ITGBL1: variants seen among roughly 807,000 people sequenced by gnomAD.
ITGBL1 encodes integrin beta-like protein 1.
ITGBL1 carries 51 observed loss-of-function variants against 68.5 expected under a neutral mutation model. That is an observed-to-expected ratio of 0.74 (90% CI 0.59 to 0.94). The LOEUF (loss-of-function observed/expected upper bound fraction) is 0.94. ITGBL1 is among the 40% of genes least tolerant of loss of function. The pLI, the probability that ITGBL1 is intolerant of heterozygous loss-of-function variation, is 0.00. For missense variants in ITGBL1, 649 were observed against 647.4 expected (o/e 1.00, Z -0.03); for synonymous variants, 209 against 227.3 (o/e 0.92, Z 0.72).
intron 7 of ITGBL1, among the ~76,000 whole-genome samples, chr13:101,686,175 G>A (rs1431931298): frequency 3.9e-5 from 6 of 152,048 alleles, no homozygotes; most frequent in South Asian, 2.1e-4. Flanking sequence ...TGTTTTGCCC[G>A]GTTCCTATGT....
At chr13:101,693,918 A>G (rs1319595530) in intron 8 of ITGBL1, among the ~76,000 whole-genome samples, 2 of 152,180 alleles carry the variant, frequency 1.3e-5, no homozygotes, top group African/African-American at 2.4e-5. Flanking sequence ...TAGCGTCCCA[A>G]TAATGGAACA....
intron 4 of ITGBL1, among the ~76,000 whole-genome samples, chr13:101,578,832 C>A (rs1004582569): frequency 1.3e-5 from 2 of 152,184 alleles, no homozygotes; most frequent in Non-Finnish European, 2.9e-5. Flanking sequence ...ATTTATTCTG[C>A]TTTAAAGAGT....
chr13:101,492,774 C>T (rs1324357257), intron 2 of ITGBL1, among the ~76,000 whole-genome samples: 1 of 152,234 alleles, frequency 6.6e-6, no homozygotes, highest in African/African-American at 2.4e-5. Flanking sequence ...GGAATTTAGA[C>T]AATCCTTTCT....
intron 2 of ITGBL1, among the ~76,000 whole-genome samples, chr13:101,507,950 G>GT (rs2049052722): frequency 6.6e-6 from 1 of 152,122 alleles, no homozygotes; most frequent in African/African-American, 2.4e-5. Context: ...TATTTTTGTA[G>GT]TTTTCTTTTG....
chr13:101,711,578 A>C (rs1259279677), intron 9 of ITGBL1: 1 of 152,254 alleles, frequency 6.6e-6, no homozygotes, highest in Non-Finnish European at 1.5e-5. Flanking sequence ...ATCACTAAAA[A>C]GAAGAGTGGA....
At chr13:101,455,188 T>C (rs571045788) in intron 2 of ITGBL1, among the ~76,000 whole-genome samples, 1 of 152,272 alleles carries the variant, frequency 6.6e-6, no homozygotes, top group African/African-American at 2.4e-5. Flanking sequence ...AACACTAACA[T>C]AGAAAGATCA....
chr13:101,483,947 T>C (rs1389638362), intron 2 of ITGBL1, among the ~76,000 whole-genome samples: 3 of 152,162 alleles, frequency 2.0e-5, no homozygotes, highest in Admixed American at 6.5e-5. Flanking sequence ...GCCTCAGATA[T>C]GGCAGATATT....
chr13:101,692,842 A>G (rs2033912957), intron 8 of ITGBL1, 141 bp downstream of exon 8: 1 of 674,042 alleles, frequency 1.5e-6, no homozygotes. Context: ...CCTAAAAGCA[A>G]TATACAATTA....
At chr13:101,608,341 A>G (rs932975524) in intron 7 of ITGBL1, among the ~76,000 whole-genome samples, 1 of 150,984 alleles carries the variant, frequency 6.6e-6, no homozygotes, top group African/African-American at 2.4e-5. Context: ...TTTATTTTTC[A>G]GAGAAGTTTT....
At chr13:101,562,919 T>C (rs1463006017) in intron 2 of ITGBL1, among the ~76,000 whole-genome samples, 2 of 151,574 alleles carry the variant, frequency 1.3e-5, no homozygotes, top group African/African-American at 4.8e-5. Flanking sequence ...CCTTCAGAAA[T>C]TTAAAAGAAA....
intron 7 of ITGBL1, among the ~76,000 whole-genome samples, chr13:101,638,736 C>T (rs2032260533): frequency 6.6e-6 from 1 of 152,130 alleles, no homozygotes; most frequent in Admixed American, 6.6e-5. Flanking sequence ...CCCACTGGGT[C>T]CCTCCCACAA....
chr13:101,578,150 C>A (rs2050394612), intron 4 of ITGBL1, among the ~76,000 whole-genome samples: 1 of 152,144 alleles, frequency 6.6e-6, no homozygotes, highest in South Asian at 2.1e-4. Flanking sequence ...CCAGAATATT[C>A]TGTTGTACTT....
chr13:101,513,899 AATT>A (rs1486109560), intron 2 of ITGBL1, among the ~76,000 whole-genome samples: 1 of 152,106 alleles, frequency 6.6e-6, no homozygotes, highest in Non-Finnish European at 1.5e-5. Context: ...AGTAATGTAT[AATT>A]ATTTTTATTT....
In ITGBL1 at chr13:101,532,250, C is replaced by T. The variant is rs1287988218; in HGVS notation, c.317-35449C>T. Among the ~76,000 whole-genome samples, 5 of 152,222 alleles carry T rather than the reference C, an allele frequency of 3.3e-5. No individual in the cohort carries two copies. The East Asian group carries it at 7.7e-4, about 24-fold the overall frequency. The stretch of plus-strand genomic sequence containing the variant: ...GTACACAAAATCATTTTCAGTAATT[C>T]TCTCCTTATCCAAGAAGGCAAGTTC... On this transcript the variant is annotated intron_variant, in intron 2 of 10. Coordinates refer to ENST00000376180, the MANE Select transcript of ITGBL1 (RefSeq NM_004791.3).
At chr13:101,471,684 G>A (rs1294933576) in intron 2 of ITGBL1, among the ~76,000 whole-genome samples, 1 of 152,140 alleles carries the variant, frequency 6.6e-6, no homozygotes, top group Non-Finnish European at 1.5e-5. Flanking sequence ...TGCTACCCAA[G>A]CTACGTTTTC....
chr13:101,470,036 A>G (rs942264884), intron 2 of ITGBL1, among the ~76,000 whole-genome samples: 1 of 152,214 alleles, frequency 6.6e-6, no homozygotes, highest in African/African-American at 2.4e-5. Flanking sequence ...TGTCTAGAGA[A>G]GAACAGGGAA....
intron 7 of ITGBL1, 95 bp downstream of exon 7, chr13:101,598,394 T>G: frequency 4.7e-6 from 5 of 1,062,700 alleles, no homozygotes; most frequent in Non-Finnish European, 6.2e-6. Flanking sequence ...GTTTGTTTTT[T>G]GTTTTCTGCT....
chr13:101,566,481 G>A (rs1162424501), intron 2 of ITGBL1, among the ~76,000 whole-genome samples: 1 of 152,094 alleles, frequency 6.6e-6, no homozygotes, highest in African/African-American at 2.4e-5. Flanking sequence ...TACTTGCAAG[G>A]TTTTGGTTAT....
At chr13:101,602,876 T>G (rs9513926) in intron 7 of ITGBL1, among the ~76,000 whole-genome samples, 2,281 of 152,104 alleles carry the variant, frequency 0.015, 17 homozygotes, top group Non-Finnish European at 0.023. Context: ...GTTTGCAAGG[T>G]TTATCAAAGT....
Sources: gnomAD v4.1 joint callset for allele counts (sites outside exome capture counted in the v4.1 genomes callset) on GRCh38, gnomAD v4.1.1 for gene constraint, MANE v1.5 for transcripts, NCBI Gene and HGNC (gene_info 2026-07-23, HGNC 2026-07-21) for gene names.